ORC5: variants seen among roughly 807,000 people sequenced by gnomAD.
The protein encoded by ORC5 is origin recognition complex subunit 5, also known as protein phosphatase 1, regulatory subunit 117.
A neutral mutation model predicts 58.8 loss-of-function variants in ORC5; 39 were observed. The ratio of observed to expected loss-of-function variants is 0.66; its 90% confidence interval spans 0.51 to 0.87. The LOEUF (loss-of-function observed/expected upper bound fraction) is 0.87. ORC5 is among the 40% of genes least tolerant of loss of function. The pLI, the probability that ORC5 is intolerant of heterozygous loss-of-function variation, is 0.00. For synonymous variants in ORC5, 218 were observed against 177.6 expected, an observed-to-expected ratio of 1.23 and a Z score of -1.81; for missense variants, 493 against 506.3, an observed-to-expected ratio of 0.97 and a Z score of 0.25.
chr7:104,158,634 A>T (rs1798970115), intron 12 of ORC5, among the ~76,000 whole-genome samples: 1 of 152,082 alleles, frequency 6.6e-6, no homozygotes, highest in African/African-American at 2.4e-5. Context: ...TTACAAAAAA[A>T]TAAACAAACA....
chr7:104,172,685 C>T (rs868587839), intron 8 of ORC5, among the ~76,000 whole-genome samples: 32 of 152,150 alleles, frequency 2.1e-4, no homozygotes, highest in Admixed American at 8.5e-4. Flanking sequence ...GATACATTAT[C>T]TAAATCTTCT....
At chr7:104,169,275 A>G (rs1009239211) in intron 8 of ORC5, among the ~76,000 whole-genome samples, 12 of 151,372 alleles carry the variant, frequency 7.9e-5, no homozygotes, top group African/African-American at 2.9e-4. Flanking sequence ...TAGCCAGTCA[A>G]TACTAGAGCT....
intron 4 of ORC5, among the ~76,000 whole-genome samples, chr7:104,197,281 G>A (rs764101690): frequency 3.9e-5 from 6 of 152,172 alleles, no homozygotes; most frequent in Non-Finnish European, 5.9e-5. Flanking sequence ...TGTACTTTGT[G>A]AAGCCAACAC....
At position 104,138,886 on chromosome 7, in the gene ORC5, T is replaced by C. The variant is rs1798631222; in HGVS notation, c.1150-1993A>G. On this transcript the variant is annotated intron_variant, in intron 12 of 13. Coordinates refer to ENST00000297431, the MANE Select transcript of ORC5 (RefSeq NM_002553.4). This position sits in a 1 kb window ranked among gnomAD's most constrained non-coding sequence, Gnocchi z 4.7. ...ATTATTAGTAAAAGCAAAAGTGTATTTTGATAGGTCAAAATCAAAGTACAA... is the reference window on the plus strand; with the variant it reads ...ATTATTAGTAAAAGCAAAAGTGTATCTTGATAGGTCAAAATCAAAGTACAA... Among the ~76,000 whole-genome samples the C allele has an allele frequency of 6.6e-6, 1 of 152,218 alleles. No individual in the cohort carries two copies.
intron 3 of ORC5, among the ~76,000 whole-genome samples, chr7:104,199,982 G>A (rs184196286): frequency 1.1e-4 from 17 of 152,302 alleles, no homozygotes; most frequent in Admixed American, 5.2e-4. Context: ...CTGATCTGAC[G>A]ATTTTATAAG....
chr7:104,145,590 A>C (rs1655087646), intron 12 of ORC5, among the ~76,000 whole-genome samples: 1 of 152,208 alleles, frequency 6.6e-6, no homozygotes, highest in Non-Finnish European at 1.5e-5. Flanking sequence ...TTAGAAAAAA[A>C]AGATAAATAC....
intron 13 of ORC5, among the ~76,000 whole-genome samples, chr7:104,130,908 A>C (rs1798503289): frequency 6.6e-6 from 1 of 152,204 alleles, no homozygotes; most frequent in Non-Finnish European, 1.5e-5. Flanking sequence ...GTCCTAGCTT[A>C]AGACTCCATG....
intron 13 of ORC5, among the ~76,000 whole-genome samples, chr7:104,131,066 G>C (rs1407471351): frequency 1.3e-5 from 2 of 152,130 alleles, no homozygotes; most frequent in Non-Finnish European, 1.5e-5. Context: ...CTCACAGATT[G>C]GTGCCATTGT....
At chr7:104,184,738 G>A (rs1799508154) in intron 6 of ORC5, among the ~76,000 whole-genome samples, 1 of 152,182 alleles carries the variant, frequency 6.6e-6, no homozygotes, top group East Asian at 1.9e-4. Context: ...TAAGAAAACA[G>A]CAGATGCAAA....
At chr7:104,187,614 TCTTTC>T (rs1298623097) in intron 6 of ORC5, 1 of 304,954 alleles carries the variant, frequency 3.3e-6, no homozygotes, top group Non-Finnish European at 4.8e-6. Context: ...AATTCTTGTC[TCTTTC>T]CTTTCCCATC....
rs1799113758 is a variant in ORC5, at chr7:104,166,765, T to C, written c.990+7A>G. ...AAATAAAGTGAAAAGAAGTATGTTA[T>C]TATTACCTTAAGAAAAAACCTCTTG... On this transcript the variant is annotated splice_region_variant and intron_variant, in intron 10 of 13. Coordinates refer to ENST00000297431, the MANE Select transcript of ORC5 (RefSeq NM_002553.4). 7 of 1,435,252 alleles carry C rather than the reference T, an allele frequency of 4.9e-6. No individual in the cohort carries two copies. The highest frequency in any genetic ancestry group is 1.8e-4 in the Middle Eastern group (1 of 5,518). The allele number at this position is 1,435,252 out of a possible 1,614,324, so 88.9% of individuals were successfully genotyped here. A position where few individuals can be genotyped will look rare whatever the true frequency, so the allele number is the denominator to read the frequency against.
At chr7:104,175,849 T>C (rs192557251) in intron 8 of ORC5, among the ~76,000 whole-genome samples, 4 of 152,326 alleles carry the variant, frequency 2.6e-5, no homozygotes, top group Non-Finnish European at 5.9e-5. Flanking sequence ...GACAGTTTTG[T>C]TACTAATTCT....
chr7:104,173,884 G>A (rs12705184), intron 8 of ORC5, among the ~76,000 whole-genome samples: 1 of 133,214 alleles, frequency 7.5e-6, no homozygotes, highest in Non-Finnish European at 1.6e-5. Context: ...TCGCTCTGTC[G>A]CCCAGGCTGG....
At position 104,164,079 on chromosome 7, in the gene ORC5, T is replaced by C. The variant is rs189210858; in HGVS notation, c.1038+1156A>G. ...ATTGTATCATTTATCCATTTTGCTA[T>C]CGAATTTTTGTCCTTTTCTTATTGG... On this transcript the variant is annotated intron_variant, in intron 11 of 13. Coordinates refer to ENST00000297431, the MANE Select transcript of ORC5 (RefSeq NM_002553.4). 9.3e-3 allele frequency among the ~76,000 whole-genome samples: 1,422 copies of C among 152,316 alleles called. 14 individuals are homozygous for C. Among genetic ancestry groups the C allele is most frequent in the African/African-American group, 0.033 (1,358 of 41,568 alleles).
At position 104,133,344 on chromosome 7, in the gene ORC5, G is replaced by T. The variant is rs1798542439; in HGVS notation, c.1262+3437C>A. Among the ~76,000 whole-genome samples the T allele has an allele frequency of 2.6e-5, 4 of 152,118 alleles. No individual in the cohort carries two copies. The South Asian group carries it at 8.3e-4, about 32-fold the overall frequency. On this transcript the variant is annotated intron_variant, in intron 13 of 13. Transcript: ENST00000297431. This position sits in a 1 kb window ranked among gnomAD's most constrained non-coding sequence, Gnocchi z 4.7. ...GAATGAAATTGAGACAAATAAGAGG[G>T]GCTTTGTAAGCTCAATAGGACTAAT...
Position 104,136,585 on chromosome 7 carries a change from C to G in ORC5, c.1262+196G>C, listed in dbSNP as rs1180288968. Among the ~76,000 whole-genome samples the G allele has an allele frequency of 6.6e-6, 1 of 152,164 alleles. No homozygotes were observed. The highest frequency in any genetic ancestry group is 1.9e-4 in the East Asian group (1 of 5,198). ...TTTTCAGAATCTTGATTTTTGTCCT[C>G]TAACATATTAGCTATTTCTCCCAGT... On this transcript the variant is annotated intron_variant, in intron 13 of 13. Coordinates refer to ENST00000297431, the MANE Select transcript of ORC5 (RefSeq NM_002553.4). The surrounding 1 kb of genome is among the most constrained non-coding windows in gnomAD (Gnocchi z 4.2).
intron 8 of ORC5, among the ~76,000 whole-genome samples, chr7:104,175,806 G>C (rs1799310670): frequency 6.6e-6 from 1 of 152,156 alleles, no homozygotes; most frequent in Non-Finnish European, 1.5e-5. Context: ...CATCCACAAT[G>C]ACTAGTCAAG....
chr7:104,163,556 G>T (rs759189512), intron 11 of ORC5, among the ~76,000 whole-genome samples: 1 of 152,120 alleles, frequency 6.6e-6, no homozygotes, highest in East Asian at 1.9e-4. Flanking sequence ...GCGTGATCTC[G>T]GCTCACTGCA....
At position 104,126,672 on chromosome 7, in the gene ORC5, C is replaced by T; in HGVS notation, c.*176G>A. 1 of 520,524 alleles carries T rather than the reference C, an allele frequency of 1.9e-6. No homozygotes were observed. Among genetic ancestry groups the T allele is most frequent in the Non-Finnish European group, 3.4e-6 (1 of 295,256 alleles). 32.2% of individuals were successfully genotyped at this position (520,524 alleles called of 1,614,324 possible). A position where few individuals can be genotyped will look rare whatever the true frequency, so the allele number is the denominator to read the frequency against. The stretch of plus-strand genomic sequence containing the variant: ...AGGGTCCCTGGTAAATAGTCTTCTG[C>T]TCACATCCACCCAGACCAATCAGAA... On this transcript the variant is annotated 3_prime_UTR_variant, in exon 14 of 14. Coordinates refer to ENST00000297431, the MANE Select transcript of ORC5 (RefSeq NM_002553.4).
Sources: gnomAD v4.1 joint callset for allele counts (sites outside exome capture counted in the v4.1 genomes callset) on GRCh38, gnomAD v4.1.1 for gene constraint, Gnocchi (gnomAD v3.1) non-coding constraint, MANE v1.5 for transcripts, NCBI Gene and HGNC (gene_info 2026-07-23, HGNC 2026-07-21) for gene names.